ZNF875: variants seen among roughly 807,000 people sequenced by gnomAD.
ZNF875 encodes the protein HKR1, GLI-Kruppel zinc finger family member.
Under a neutral mutation model 11.2 loss-of-function variants are expected in ZNF875, and 14 were observed. The ratio of observed to expected loss-of-function variants is 1.26; its 90% CI spans 0.83 to 1.96. The LOEUF is 1.96. Ranked by LOEUF, ZNF875 falls within the 30% of genes most tolerant of loss-of-function variation. ZNF875 has a pLI of 0.00. For synonymous variants in ZNF875, 301 were observed against 281.1 expected, an observed-to-expected ratio of 1.07 and a Z score of -0.71; for missense variants, 752 against 760.4, an observed-to-expected ratio of 0.99 and a Z score of 0.13.
At position 37,334,653 on chromosome 19, in the gene ZNF875, C is replaced by A. The variant is rs767843367; in HGVS notation, c.-186C>A. The A allele has an allele frequency of 4.4e-6, 2 of 455,932 alleles. No individual in the cohort carries two copies. The highest frequency in any genetic ancestry group is 8.8e-6 in the Non-Finnish European group (2 of 226,734). The allele number at this position is 455,932 out of a possible 1,614,324, so 28.2% of individuals were successfully genotyped here. ...TGTAGCGTTGACGTCAGAAACACTTCCGGTCGGTGGCCCAGGCGCGTTAAG... is the reference window on the plus strand; with the variant it reads ...TGTAGCGTTGACGTCAGAAACACTTACGGTCGGTGGCCCAGGCGCGTTAAG... On this transcript the variant is annotated 5_prime_UTR_variant, in exon 1 of 5. Coordinates refer to ENST00000392153, the MANE Select transcript of ZNF875 (RefSeq NM_001353803.2).
chr19:37,342,256 G>A (rs2035869172), intron 2 of ZNF875, among the ~76,000 whole-genome samples: 1 of 152,104 alleles, frequency 6.6e-6, no homozygotes. Flanking sequence ...GTGCTGGCTG[G>A]AGAGACTGAA....
intron 2 of ZNF875, among the ~76,000 whole-genome samples, chr19:37,339,634 G>C (rs574779155): frequency 7.1e-6 from 1 of 140,804 alleles, no homozygotes; most frequent in African/African-American, 2.7e-5. Context: ...AATCGATCTC[G>C]CCTCACTGCA....
chr19:37,360,128 C>T (rs1360555389), intron 4 of ZNF875, among the ~76,000 whole-genome samples: 1 of 152,152 alleles, frequency 6.6e-6, no homozygotes, highest in African/African-American at 2.4e-5. Context: ...AATCTAAATT[C>T]ATTTTCTTGC....
intron 1 of ZNF875, among the ~76,000 whole-genome samples, chr19:37,318,668 C>T (rs1171720708): frequency 1.3e-5 from 2 of 151,552 alleles, no homozygotes; most frequent in South Asian, 2.1e-4. Flanking sequence ...ACTACAGGCG[C>T]CCGCCACCAC....
intron 2 of ZNF875, among the ~76,000 whole-genome samples, chr19:37,337,969 G>A (rs1019143515): frequency 3.9e-5 from 6 of 152,096 alleles, no homozygotes; most frequent in African/African-American, 1.4e-4. Flanking sequence ...TCCAGTGGTG[G>A]GGATTATGCA....
intron 3 of ZNF875, 188 bp from the exon 4 acceptor site, chr19:37,347,589 A>G (rs2037053543): frequency 1.6e-6 from 1 of 610,124 alleles, no homozygotes; most frequent in East Asian, 2.8e-5. Flanking sequence ...TCATACACCA[A>G]GTGTTCATAA....
intron 4 of ZNF875, among the ~76,000 whole-genome samples, chr19:37,348,937 CAG>C (rs1393885090): frequency 6.6e-6 from 1 of 152,150 alleles, no homozygotes; most frequent in Non-Finnish European, 1.5e-5. Context: ...GCTTAAACAA[CAG>C]AAGTTTATTT....
intron 3 of ZNF875, chr19:37,347,528 T>C (rs1367401153): frequency 1.5e-5 from 9 of 611,052 alleles, no homozygotes; most frequent in Non-Finnish European, 2.3e-5. Context: ...CCAGGCCTGT[T>C]TCCCAAGGCT....
At position 37,360,917 on chromosome 19, in the gene ZNF875, A is replaced by G. The variant is rs530610294; in HGVS notation, c.257-1192A>G. Among the ~76,000 whole-genome samples the G allele has an allele frequency of 2.0e-5, 3 of 151,940 alleles. No individual in the cohort carries two copies. The East Asian group carries it at 5.8e-4, about 29-fold the overall frequency. On this transcript the variant is annotated intron_variant, in intron 4 of 4. Transcript: ENST00000392153. Reference sequence around the variant, plus strand: ...TTTCATTTTTAGAATAGTCATTGCTAGTATATAGAAATATAATTATTTTTT... The same window carrying G: ...TTTCATTTTTAGAATAGTCATTGCTGGTATATAGAAATATAATTATTTTTT...
At position 37,362,743 on chromosome 19, in the gene ZNF875, G is replaced by A; in HGVS notation, c.891G>A (p.Leu297=). Residue 297 remains leucine (L), a synonymous_variant, in exon 5 of 5, where the codon CTG becomes CTA. Transcript: ENST00000392153. ...CGRGFTWKSN[L]ITHQRTHSGE... The stretch of plus-strand genomic sequence containing the variant: ...GAGGCTTTACGTGGAAGTCAAACCT[G>A]ATCACACATCAGAGGACACACTCAG... 2 of 1,613,278 alleles carry A rather than the reference G, an allele frequency of 1.2e-6. No individual in the cohort carries two copies. The highest frequency in any genetic ancestry group is 1.7e-6 in the Non-Finnish European group (2 of 1,179,650).
At chr19:37,318,626 A>G (rs908260318) in intron 1 of ZNF875, among the ~76,000 whole-genome samples, 1 of 149,796 alleles carries the variant, frequency 6.7e-6, no homozygotes, top group African/African-American at 2.5e-5. Context: ...GGTTCACGCC[A>G]TTCTCCTGCC....
At chr19:37,331,360 G>A (rs1158626178), upstream of ZNF875, among the ~76,000 whole-genome samples, 1 of 151,454 alleles carries the variant, frequency 6.6e-6, no homozygotes, top group African/African-American at 2.4e-5. Flanking sequence ...CTCCCAAGTA[G>A]CTGGATTACA....
chr19:37,362,234 C>T lies in ZNF875; in HGVS notation c.382C>T (p.Pro128Ser), dbSNP rs760540343. 2.7e-5 allele frequency: 43 copies of T among 1,614,018 alleles called. No homozygotes were observed. The highest frequency in any genetic ancestry group is 3.6e-5 in the Non-Finnish European group (43 of 1,180,022). Reference sequence around the variant, plus strand: ...GTTTTCAAGTTTATGGGCAGGAAATCCTCTCCACCTGGGAAAACACTATCC... The same window carrying T: ...GTTTTCAAGTTTATGGGCAGGAAATTCTCTCCACCTGGGAAAACACTATCC... ...QLFSSLWAGN[P>S]LHLGKHYPED... Residue 128 changes from proline to serine, a missense_variant, in exon 5 of 5, where the codon CCT (proline) becomes TCT (serine). Pro to Ser is a moderately conservative substitution (Grantham distance 74). Coordinates refer to ENST00000392153, the MANE Select transcript of ZNF875 (RefSeq NM_001353803.2).
intron 4 of ZNF875, among the ~76,000 whole-genome samples, chr19:37,352,593 T>G (rs2038106471): frequency 6.6e-6 from 1 of 152,106 alleles, no homozygotes; most frequent in Admixed American, 6.6e-5. Context: ...CTTTGTCCAT[T>G]CTTTATATTT....
chr19:37,362,385 C>T lies in ZNF875; in HGVS notation c.533C>T (p.Ser178Phe), dbSNP rs1186218829. The change falls in exon 5 of 5, where the codon TCC becomes TTC. Residue 178 changes from serine to phenylalanine, a missense_variant. By Grantham distance (155) the Ser-to-Phe change is radical. Transcript: ENST00000392153. ...VSKNGTSKALSSPPEEQQPAQ... is the reference protein window; with the variant it reads ...VSKNGTSKALFSPPEEQQPAQ... ...AAAAATGGCACTTCAAAGGCACTTT[C>T]CAGCCCACCTGAAGAACAACAGCCA... 6.2e-7 allele frequency: 1 copy of T among 1,613,984 alleles called. No individual in the cohort carries two copies. Among genetic ancestry groups the T allele is most frequent in the East Asian group, 2.2e-5 (1 of 44,896 alleles).
At chr19:37,314,136 A>G (rs1483088285), upstream of ZNF875, among the ~76,000 whole-genome samples, 3 of 152,172 alleles carry the variant, frequency 2.0e-5, no homozygotes, top group East Asian at 5.8e-4. Flanking sequence ...TTTTTTAGAC[A>G]TGGTCTCCCT....
intron 4 of ZNF875, among the ~76,000 whole-genome samples, chr19:37,355,746 A>G (rs2038792545): frequency 6.6e-6 from 1 of 152,266 alleles, no homozygotes; most frequent in South Asian, 2.1e-4. Context: ...TATTTCAATA[A>G]TCTTTCTCTG....
At chr19:37,317,479 C>T (rs1353868067), upstream of ZNF875, among the ~76,000 whole-genome samples, 2 of 152,190 alleles carry the variant, frequency 1.3e-5, no homozygotes, top group Non-Finnish European at 2.9e-5. Context: ...TGGCACTAGC[C>T]TGTTTTTTGA....
chr19:37,352,331 C>G (rs1221214069), intron 4 of ZNF875, among the ~76,000 whole-genome samples: 5 of 152,096 alleles, frequency 3.3e-5, no homozygotes, highest in Non-Finnish European at 5.9e-5. Context: ...TTAAAGGCCT[C>G]CTGGCTTCAA....
Sources: gnomAD v4.1 joint callset for allele counts (sites outside exome capture counted in the v4.1 genomes callset) on GRCh38, gnomAD v4.1.1 for gene constraint, MANE v1.5 for transcripts, NCBI Gene and HGNC (gene_info 2026-07-23, HGNC 2026-07-21) for gene names.